MELK: variants seen among roughly 807,000 people sequenced by gnomAD.
MELK encodes pEg3 kinase.
MELK carries 81 observed loss-of-function variants against 85.0 expected under a neutral mutation model. The observed-to-expected ratio is 0.95, with a 90% CI of 0.80 to 1.15. The LOEUF is 1.15. MELK is among the 50% of genes most tolerant of loss of function. The probability of loss-of-function intolerance (pLI) is 0.00; values close to 1 mark genes in which losing one functional copy is unlikely to be tolerated. For missense variants in MELK, 754 were observed against 777.5 expected, an observed-to-expected ratio of 0.97 and a Z score of 0.36; for synonymous variants, 252 against 265.0, an observed-to-expected ratio of 0.95 and a Z score of 0.48.
chr9:36,664,073 C>G (rs1832107478), intron 13 of MELK, among the ~76,000 whole-genome samples: 2 of 152,028 alleles, frequency 1.3e-5, no homozygotes, highest in South Asian at 4.1e-4. Context: ...ATTTATATTT[C>G]TATTAAAATA....
intron 8 of MELK, among the ~76,000 whole-genome samples, chr9:36,616,713 A>G (rs967043490): frequency 4.6e-5 from 7 of 152,122 alleles, no homozygotes; most frequent in Admixed American, 4.6e-4. Context: ...CTTAGAGGCA[A>G]TCATTGCTAT....
chr9:36,636,594 G>A (rs1299472140), intron 10 of MELK, among the ~76,000 whole-genome samples: 1 of 152,132 alleles, frequency 6.6e-6, no homozygotes, highest in Non-Finnish European at 1.5e-5. Context: ...TTCTTATGTA[G>A]GCCTTACCTG....
chr9:36,587,754 G>A (rs1364069827), intron 3 of MELK, among the ~76,000 whole-genome samples: 1 of 151,080 alleles, frequency 6.6e-6, no homozygotes, highest in Non-Finnish European at 1.5e-5. Context: ...GTGCCACCAC[G>A]CCCAGCTAAT....
At chr9:36,637,850 C>G (rs1312843656) in intron 10 of MELK, among the ~76,000 whole-genome samples, 1 of 152,196 alleles carries the variant, frequency 6.6e-6, no homozygotes, top group African/African-American at 2.4e-5. Flanking sequence ...CTGTCAACTC[C>G]TAAAACTTCT....
rs190200350 is a variant in MELK at position 36,643,029 on chromosome 9, A to G, written c.867A>G (p.Glu289=). ...ACCTCGATGATGATTGCGTAACAGA[A>G]CTTTCTGTACATCACAGAAACAACA... is the stretch of plus-strand genomic sequence containing the variant. ...FIHLDDDCVT[E]LSVHHRNNRQ... Residue 289 remains glutamate (E), a synonymous_variant, in exon 11 of 18, where the codon GAA becomes GAG. Transcript: ENST00000298048. 3.5e-5 allele frequency: 56 copies of G among 1,612,846 alleles called. No individual in the cohort carries two copies. In the East Asian group the frequency reaches 1.2e-3, roughly 35 times the overall value.
In MELK at chr9:36,621,194, C is replaced by A. The variant is rs746882815; in HGVS notation, c.667-9105C>A. Among the ~76,000 whole-genome samples, 4 of 139,710 alleles carry A rather than the reference C, an allele frequency of 2.9e-5. No individual in the cohort carries two copies. In the South Asian group the frequency reaches 9.5e-4, roughly 33 times the overall value. The allele number at this position is 139,710 out of a possible 152,430, so 91.7% of individuals were successfully genotyped here. On this transcript the variant is annotated intron_variant, in intron 8 of 17. Transcript: ENST00000298048. ...GGCTGAAGCAGGAGAATTGCTTGAA[C>A]CTGGGAGGCGGAGGTTGCCATGAGG...
At chr9:36,635,798 C>CTT (rs759256315) in intron 10 of MELK, among the ~76,000 whole-genome samples, 21 of 134,078 alleles carry the variant, frequency 1.6e-4, no homozygotes, top group East Asian at 4.3e-4. Context: ...TTAAAAAATG[C>CTT]TTTTTTTTTT....
intron 8 of MELK, among the ~76,000 whole-genome samples, chr9:36,625,171 T>G (rs901400295): frequency 8.6e-5 from 13 of 151,954 alleles, no homozygotes; most frequent in African/African-American, 2.9e-4. Flanking sequence ...ATGAAGCTGA[T>G]AGAGGACACT....
In MELK at chr9:36,677,249, T is replaced by TGGTG; in HGVS notation, c.1872_1875dup (p.Ile626GlyfsTer8). The TGGTG allele has an allele frequency of 6.2e-7, 1 of 1,614,120 alleles. No individual in the cohort carries two copies. Among genetic ancestry groups the TGGTG allele is most frequent in the Non-Finnish European group, 8.5e-7 (1 of 1,179,988 alleles). On this transcript the variant is annotated frameshift_variant, in exon 18 of 18. Coordinates refer to ENST00000298048, the MANE Select transcript of MELK (RefSeq NM_014791.4). LOFTEE classifies it high-confidence loss of function. ...GTGTGCCAGCTTCAAAAACCCGATG[T>TGGTG]GGTGGGTATCAGGAGGCAGCGGCTT...
intron 8 of MELK, among the ~76,000 whole-genome samples, chr9:36,622,495 C>G (rs1827542063): frequency 6.6e-6 from 1 of 152,180 alleles, no homozygotes; most frequent in African/African-American, 2.4e-5. Flanking sequence ...AACCAAAATG[C>G]TCAACTGCAC....
At chr9:36,581,035 G>GT (rs988569037) in intron 1 of MELK, among the ~76,000 whole-genome samples, 2 of 152,060 alleles carry the variant, frequency 1.3e-5, no homozygotes, top group Non-Finnish European at 2.9e-5. Flanking sequence ...GCTGAGAAAA[G>GT]TTTTTTGTAT....
At position 36,583,701 on chromosome 9, in the gene MELK, AAC is replaced by A. The variant is rs1822511274; in HGVS notation, c.138_139del (p.Leu47ArgfsTer3). ...EMVAIKIMDKNTLGSDLPRIK... is the reference protein window; with the variant it reads ...EMVAIKIMDKXTLGSDLPRIK... ...GGTAGCTATAAAAATCATGGATAAAAACACACTAGGGGTAAGTTTAGATTTAT... is the reference window on the plus strand; with the variant it reads ...GGTAGCTATAAAAATCATGGATAAAAACACTAGGGGTAAGTTTAGATTTAT... On this transcript the variant is annotated frameshift_variant, in exon 3 of 18. Transcript: ENST00000298048. LOFTEE classifies it high-confidence loss of function. 4 of 1,608,924 alleles carry A rather than the reference AAC, an allele frequency of 2.5e-6. No homozygotes were observed. Among genetic ancestry groups the A allele is most frequent in the Non-Finnish European group, 3.4e-6 (4 of 1,175,770 alleles).
intron 16 of MELK, among the ~76,000 whole-genome samples, chr9:36,673,154 C>A (rs1246728596): frequency 1.3e-5 from 2 of 151,986 alleles, no homozygotes; most frequent in Non-Finnish European, 2.9e-5. Flanking sequence ...TTTATTTTAC[C>A]AAAGCAGTAA....
At chr9:36,652,877 G>A (rs1485959213) in intron 12 of MELK, among the ~76,000 whole-genome samples, 1 of 151,630 alleles carries the variant, frequency 6.6e-6, no homozygotes, top group Non-Finnish European at 1.5e-5. Context: ...ACTTTTACAC[G>A]CATTCAAGTA....
At chr9:36,604,535 C>CT (rs919391326) in intron 7 of MELK, among the ~76,000 whole-genome samples, 17 of 151,798 alleles carry the variant, frequency 1.1e-4, no homozygotes, top group African/African-American at 4.1e-4. Context: ...GGAAGGACTG[C>CT]TTGAGTCCAA....
chr9:36,580,038 CTTTTTT>C (rs58166111), intron 1 of MELK, among the ~76,000 whole-genome samples: 1 of 117,946 alleles, frequency 8.5e-6, no homozygotes, highest in African/African-American at 3.1e-5. Flanking sequence ...TTCATGTCTT[CTTTTTT>C]TTTTTTTTTT....
intron 7 of MELK, among the ~76,000 whole-genome samples, chr9:36,604,095 G>T (rs532142553): frequency 1.4e-5 from 2 of 145,268 alleles, no homozygotes; most frequent in Non-Finnish European, 3.0e-5. Context: ...TCAGCCTCCC[G>T]AATTGCTGGA....
chr9:36,587,401 C>T (rs1823025828), intron 3 of MELK, among the ~76,000 whole-genome samples: 1 of 152,066 alleles, frequency 6.6e-6, no homozygotes, highest in Non-Finnish European at 1.5e-5. Flanking sequence ...ACTGCAACCT[C>T]TGCCTCCTGG....
Position 36,674,957 on chromosome 9 carries a change from G to A in MELK, c.1778+20G>A. On this transcript the variant is annotated intron_variant, in intron 17 of 17. Coordinates refer to ENST00000298048, the MANE Select transcript of MELK (RefSeq NM_014791.4). ...AAAGGGGTAAGAAGCACATTTACAA[G>A]CTGTTGCATTTATTAGTATCTTTTG... 1.3e-6 allele frequency: 2 copies of A among 1,510,080 alleles called. No individual in the cohort carries two copies. The highest frequency in any genetic ancestry group is 2.3e-5 in the East Asian group (1 of 44,344). The allele number at this position is 1,510,080 out of a possible 1,614,324, so 93.5% of individuals were successfully genotyped here.
Sources: gnomAD v4.1 joint callset for allele counts (sites outside exome capture counted in the v4.1 genomes callset) on GRCh38, gnomAD v4.1.1 for gene constraint, MANE v1.5 for transcripts, NCBI Gene and HGNC (gene_info 2026-07-23, HGNC 2026-07-21) for gene names.